The following SVIL variants were observed in gnomAD, a reference collection of about 807,000 sequenced individuals.
The protein encoded by SVIL is supervillin, also known as archvillin.
A neutral mutation model predicts 240.4 loss-of-function variants in SVIL; 101 were observed. The observed-to-expected ratio is 0.42, with a 90% CI of 0.36 to 0.50. The LOEUF (loss-of-function observed/expected upper bound fraction) is 0.50. Ranked by LOEUF, SVIL falls within the 20% of genes least tolerant of loss-of-function variation. The pLI is 0.01. For synonymous variants in SVIL, 999 were observed against 1,100.0 expected (o/e 0.91, Z 1.82); for missense variants, 2,512 against 2,818.7 (o/e 0.89, Z 2.46).
chr10:29,502,201 C>T (rs1948946469), intron 17 of SVIL, among the ~76,000 whole-genome samples: 1 of 152,124 alleles, frequency 6.6e-6, no homozygotes, highest in Non-Finnish European at 1.5e-5. Context: ...CTTAACTTTG[C>T]TACTTAGTAG....
chr10:29,635,294 A>G (rs531433561), upstream of SVIL, among the ~76,000 whole-genome samples: 2 of 152,202 alleles, frequency 1.3e-5, no homozygotes, highest in Admixed American at 6.5e-5. Flanking sequence ...TGAACACCCC[A>G]AAAGTAAGTA....
At chr10:29,516,659 G>T (rs61849346) in intron 16 of SVIL, among the ~76,000 whole-genome samples, 3 of 152,218 alleles carry the variant, frequency 2.0e-5, no homozygotes, top group Non-Finnish European at 4.4e-5. Context: ...CTGTGATGCT[G>T]GGAGCCTGGG....
intron 1 of SVIL, among the ~76,000 whole-genome samples, chr10:29,572,397 C>G (rs1300221512): frequency 6.6e-6 from 1 of 151,586 alleles, no homozygotes; most frequent in Non-Finnish European, 1.5e-5. Flanking sequence ...AGATAATTAG[C>G]AACAAAAAGA....
chr10:29,567,341 T>A (rs1289899070), intron 2 of SVIL, among the ~76,000 whole-genome samples: 2 of 152,188 alleles, frequency 1.3e-5, no homozygotes, highest in Non-Finnish European at 2.9e-5. Flanking sequence ...GCGGTGTAAG[T>A]CTCCTCCACA....
chr10:29,465,056 C>G (rs1321456704), intron 34 of SVIL, among the ~76,000 whole-genome samples: 1 of 152,224 alleles, frequency 6.6e-6, no homozygotes, highest in African/African-American at 2.4e-5. Flanking sequence ...TTTGCTTCCC[C>G]AGGCTCCCTT....
At chr10:29,621,374 G>T (rs1957632608) in intron 1 of SVIL, among the ~76,000 whole-genome samples, 3 of 152,242 alleles carry the variant, frequency 2.0e-5, no homozygotes, top group Non-Finnish European at 4.4e-5. Context: ...GGAGAGCTCT[G>T]TGCGTTGGCA....
intron 2 of SVIL, among the ~76,000 whole-genome samples, chr10:29,684,419 C>A (rs1285284565): frequency 2.0e-5 from 3 of 151,800 alleles, no homozygotes; most frequent in Non-Finnish European, 4.4e-5. Context: ...TACACTGGTT[C>A]GATCCAGAAA....
At chr10:29,538,653 T>C (rs1295272997) in intron 6 of SVIL, among the ~76,000 whole-genome samples, 1 of 152,204 alleles carries the variant, frequency 6.6e-6, no homozygotes, top group Non-Finnish European at 1.5e-5. Flanking sequence ...ATCTCCATAG[T>C]GTGCTGCATG....
At chr10:29,631,542 C>T (rs1426163695) in intron 1 of SVIL, among the ~76,000 whole-genome samples, 3 of 147,444 alleles carry the variant, frequency 2.0e-5, no homozygotes, top group East Asian at 4.0e-4. Context: ...TTTGGGAGGC[C>T]GAGGTGGGCA....
intron 1 of SVIL, among the ~76,000 whole-genome samples, chr10:29,626,207 G>A (rs1957860186): frequency 6.6e-6 from 1 of 152,074 alleles, no homozygotes; most frequent in Admixed American, 6.6e-5. Flanking sequence ...ACACACACAC[G>A]GTTATGGCCC....
At chr10:29,586,508 C>T (rs1443868389) in intron 1 of SVIL, among the ~76,000 whole-genome samples, 16 of 152,104 alleles carry the variant, frequency 1.1e-4, no homozygotes, top group East Asian at 1.9e-4. Flanking sequence ...AGCCGTGGAA[C>T]GCAGGTCCCT....
intron 3 of SVIL, among the ~76,000 whole-genome samples, chr10:29,649,409 G>A (rs1413601818): frequency 1.3e-5 from 2 of 152,000 alleles, no homozygotes; most frequent in East Asian, 3.9e-4. Context: ...ACACAACCAA[G>A]CAATTACAAC....
chr10:29,716,338 CTT>C (rs1963609201), intron 1 of SVIL, among the ~76,000 whole-genome samples: 1 of 152,084 alleles, frequency 6.6e-6, no homozygotes, highest in African/African-American at 2.4e-5. Flanking sequence ...TAATTTATCA[CTT>C]TGAAAATTTT....
chr10:29,622,477 G>A (rs1024610771), intron 1 of SVIL, among the ~76,000 whole-genome samples: 10 of 152,016 alleles, frequency 6.6e-5, no homozygotes, highest in Admixed American at 6.6e-4. Flanking sequence ...AGTAGCCACA[G>A]CAGGTACTCC....
chr10:29,696,375 C>G (rs541992576), intron 1 of SVIL, among the ~76,000 whole-genome samples: 1 of 152,030 alleles, frequency 6.6e-6, no homozygotes, highest in Admixed American at 6.5e-5. Flanking sequence ...GGCCGCCACC[C>G]CGTCTGGGAA....
intron 1 of SVIL, among the ~76,000 whole-genome samples, chr10:29,693,970 T>C (rs186129088): frequency 1.7e-3 from 260 of 152,124 alleles, no homozygotes; most frequent in Middle Eastern, 3.4e-3. Context: ...CATAGATACA[T>C]AGATAGATAC....
intron 2 of SVIL, among the ~76,000 whole-genome samples, chr10:29,684,368 C>T (rs1344914931): frequency 6.6e-6 from 1 of 152,050 alleles, no homozygotes; most frequent in Non-Finnish European, 1.5e-5. Context: ...GTTTTATGTG[C>T]TTTACAGAGA....
intron 1 of SVIL, among the ~76,000 whole-genome samples, chr10:29,608,444 A>G (rs1247425): frequency 0.42 from 63,659 of 152,088 alleles, 13,514 homozygotes; most frequent in African/African-American, 0.47. Context: ...GGAGCCCTGC[A>G]CCCTACCAAG....
intron 32 of SVIL, among the ~76,000 whole-genome samples, chr10:29,468,455 C>CCAG (rs1945173740): frequency 2.8e-5 from 3 of 108,908 alleles, no homozygotes; most frequent in Admixed American, 9.1e-5. Flanking sequence ...GGGTAGATAT[C>CCAG]TAGTAGAGTT....
Sources: gnomAD v4.1 joint callset for allele counts (sites outside exome capture counted in the v4.1 genomes callset) on GRCh38, gnomAD v4.1.1 for gene constraint, MANE v1.5 for transcripts, NCBI Gene and HGNC (gene_info 2026-07-23, HGNC 2026-07-21) for gene names.